PPARGC1A: variants seen among roughly 807,000 people sequenced by gnomAD.
PPARGC1A encodes PPARG coactivator 1 alpha.
PPARGC1A carries 25 observed loss-of-function variants against 88.7 expected under a neutral mutation model. That is an observed-to-expected ratio of 0.28 (90% CI 0.21 to 0.39). The LOEUF (loss-of-function observed/expected upper bound fraction) is 0.39, where lower values mean the gene tolerates loss of function less well. Among genes scored for constraint, PPARGC1A ranks in the 10% least tolerant of loss-of-function variants. PPARGC1A has a pLI of 1.00. For missense variants in PPARGC1A, 880 were observed against 968.7 expected, an observed-to-expected ratio of 0.91 and a Z score of 1.22; for synonymous variants, 363 against 355.6, an observed-to-expected ratio of 1.02 and a Z score of -0.24.
At chr4:23,923,399 A>C in the PPARGC1A span, among the ~76,000 whole-genome samples, 1 of 152,062 alleles carries the variant, frequency 6.6e-6, no homozygotes, top group Non-Finnish European at 1.5e-5. Context: ...TGATTTATTT[A>C]TTCACCTATT....
the PPARGC1A span, among the ~76,000 whole-genome samples, chr4:24,157,937 TC>T: frequency 6.6e-6 from 1 of 151,698 alleles, no homozygotes; most frequent in African/African-American, 2.4e-5. Context: ...AAAAAACCAC[TC>T]CCCCAACCCC....
intron 2 of PPARGC1A, among the ~76,000 whole-genome samples, chr4:23,850,797 T>C (rs1373327739): frequency 6.6e-6 from 1 of 152,220 alleles, no homozygotes. Context: ...AGAAGCTAAG[T>C]AACTCATTAA....
At chr4:24,025,501 T>C in the PPARGC1A span, among the ~76,000 whole-genome samples, 1 of 152,054 alleles carries the variant, frequency 6.6e-6, no homozygotes, top group African/African-American at 2.4e-5. Context: ...GAATCACAGA[T>C]CTGTTCCCTC....
the PPARGC1A span, among the ~76,000 whole-genome samples, chr4:24,121,626 A>T: frequency 6.6e-6 from 1 of 152,118 alleles, no homozygotes; most frequent in Admixed American, 6.5e-5. Flanking sequence ...TGACCAGGGG[A>T]GAGGAATGCA....
chr4:23,850,308 G>A (rs1729047724), intron 2 of PPARGC1A, among the ~76,000 whole-genome samples: 1 of 152,166 alleles, frequency 6.6e-6, no homozygotes, highest in Non-Finnish European at 1.5e-5. Flanking sequence ...TTTGGGAGCT[G>A]TCGCTAAAAT....
At chr4:24,361,122 G>A in the PPARGC1A span, among the ~76,000 whole-genome samples, 5 of 152,128 alleles carry the variant, frequency 3.3e-5, no homozygotes, top group African/African-American at 7.2e-5. Context: ...AAGGAACTGC[G>A]GCAACAGCAG....
At chr4:24,217,775 C>A in the PPARGC1A span, among the ~76,000 whole-genome samples, 1 of 151,906 alleles carries the variant, frequency 6.6e-6, no homozygotes, top group Non-Finnish European at 1.5e-5. Context: ...TGCACTCCAG[C>A]CTGGGCAACA....
the PPARGC1A span, among the ~76,000 whole-genome samples, chr4:24,273,895 T>TG: frequency 6.6e-6 from 1 of 151,348 alleles, no homozygotes; most frequent in African/African-American, 2.4e-5. Flanking sequence ...CACGCCCAGC[T>TG]AATTTTTTTT....
At chr4:24,207,090 G>A in the PPARGC1A span, among the ~76,000 whole-genome samples, 1 of 151,858 alleles carries the variant, frequency 6.6e-6, no homozygotes, top group Non-Finnish European at 1.5e-5. Flanking sequence ...TAAATGTTTT[G>A]ATGTAGCTAG....
the PPARGC1A span, among the ~76,000 whole-genome samples, chr4:24,336,902 A>T: frequency 0.051 from 7,819 of 152,244 alleles, 416 homozygotes; most frequent in East Asian, 0.18. Context: ...CCCATCTCTA[A>T]AAAATAAAAT....
At chr4:24,136,931 T>G in the PPARGC1A span, among the ~76,000 whole-genome samples, 1 of 151,980 alleles carries the variant, frequency 6.6e-6, no homozygotes, top group African/African-American at 2.4e-5. Context: ...CTGATCAACA[T>G]GGTGAAACCC....
chr4:24,297,443 C>A, the PPARGC1A span, among the ~76,000 whole-genome samples: 6 of 152,148 alleles, frequency 3.9e-5, no homozygotes, highest in African/African-American at 1.4e-4. Flanking sequence ...GCTTTTAGCA[C>A]ACCTCAAAAC....
chr4:24,149,723 A>G, the PPARGC1A span, among the ~76,000 whole-genome samples: 3 of 152,228 alleles, frequency 2.0e-5, no homozygotes, highest in African/African-American at 7.2e-5. Context: ...GCCATTCTAA[A>G]TAACTGGGAA....
the PPARGC1A span, among the ~76,000 whole-genome samples, chr4:23,952,562 T>G: frequency 6.6e-6 from 1 of 152,124 alleles, no homozygotes; most frequent in Admixed American, 6.6e-5. Context: ...ATGAATGCTG[T>G]GTCCTCTTTT....
intron 2 of PPARGC1A, among the ~76,000 whole-genome samples, chr4:23,858,892 G>A (rs971669747): frequency 6.7e-6 from 1 of 148,360 alleles, no homozygotes; most frequent in African/African-American, 2.5e-5. Flanking sequence ...TACAAATTAA[G>A]GTATATAAAT....
the PPARGC1A span, among the ~76,000 whole-genome samples, chr4:24,121,740 C>T: frequency 6.6e-6 from 1 of 152,196 alleles, no homozygotes; most frequent in Non-Finnish European, 1.5e-5. Context: ...CATTATACTC[C>T]TGAGTTTAGG....
At chr4:24,059,393 G>C in the PPARGC1A span, among the ~76,000 whole-genome samples, 19 of 152,304 alleles carry the variant, frequency 1.2e-4, no homozygotes, top group East Asian at 1.7e-3. Flanking sequence ...GCTCACCCAA[G>C]TGTACCGCAG....
At chr4:23,807,735 T>TG (rs1560334412) in intron 10 of PPARGC1A, among the ~76,000 whole-genome samples, 7 of 150,148 alleles carry the variant, frequency 4.7e-5, no homozygotes, top group African/African-American at 1.7e-4. Context: ...TTTTTTTCTT[T>TG]TGTGTGTGTG....
chr4:23,974,941 A>C, the PPARGC1A span, among the ~76,000 whole-genome samples: 3 of 150,276 alleles, frequency 2.0e-5, no homozygotes, highest in Admixed American at 6.7e-5. Flanking sequence ...AGGCATGAGC[A>C]ACCACACCCG....
Sources: allele counts gnomAD v4.1 joint callset (sites outside exome capture counted in the v4.1 genomes callset), GRCh38; gene constraint gnomAD v4.1.1; transcripts MANE v1.5; gene names NCBI Gene and HGNC (gene_info 2026-07-23, HGNC 2026-07-21).